The following PTPRN2 variants were observed in gnomAD, a reference collection of about 807,000 sequenced individuals.
PTPRN2 encodes the protein protein tyrosine phosphatase receptor type N2, also known as receptor-type tyrosine-protein phosphatase N2.
Under a neutral mutation model 118.8 loss-of-function variants are expected in PTPRN2, and 74 were observed. The observed-to-expected ratio is 0.62, with a 90% CI of 0.52 to 0.76. The LOEUF is 0.76. PTPRN2 is among the 30% of genes least tolerant of loss of function. The pLI is 0.00. For missense variants in PTPRN2, 1,481 were observed against 1,394.4 expected (o/e 1.06, Z -0.99); for synonymous variants, 641 against 608.0 (o/e 1.05, Z -0.80).
chr7:158,546,333 G>A lies in PTPRN2; in HGVS notation c.112+41225C>T, dbSNP rs1230988820. ...TCACGCCTGCCCGGAGACGGGGTCC[G>A]CGAGGTGCCAGCTTTGCACTGTCAA... On this transcript the variant is annotated intron_variant, in intron 1 of 22. Coordinates refer to ENST00000389418, the MANE Select transcript of PTPRN2 (RefSeq NM_002847.5). This position sits in a 1 kb window ranked among gnomAD's most constrained non-coding sequence, Gnocchi z 5.0. Among the ~76,000 whole-genome samples, 2 of 152,220 alleles carry A rather than the reference G, an allele frequency of 1.3e-5. No individual in the cohort carries two copies. The highest frequency in any genetic ancestry group is 2.9e-5 in the Non-Finnish European group (2 of 68,046).
At chr7:158,184,645 C>T (rs1824989418) in intron 5 of PTPRN2, among the ~76,000 whole-genome samples, 2 of 152,228 alleles carry the variant, frequency 1.3e-5, no homozygotes, top group East Asian at 1.9e-4. Context: ...AACCTAGTCT[C>T]TACTGAAAAT....
chr7:158,490,922 T>A (rs1245214738), intron 1 of PTPRN2, among the ~76,000 whole-genome samples: 1 of 152,178 alleles, frequency 6.6e-6, no homozygotes, highest in Non-Finnish European at 1.5e-5. Context: ...CTCTACTGTT[T>A]CCTCCCATGC....
chr7:158,109,655 CCT>C (rs907170824), intron 10 of PTPRN2, among the ~76,000 whole-genome samples: 10 of 149,070 alleles, frequency 6.7e-5, no homozygotes, highest in Admixed American at 4.7e-4. Flanking sequence ...TGATGTCACC[CCT>C]GTGTGAAAGG....
At position 158,273,432 on chromosome 7, in the gene PTPRN2, G is replaced by GCAGACAGACGCGGGAGGAGCCT. The variant is rs1563072559; in HGVS notation, c.277+43386_277+43387insAGGCTCCTCCCGCGTCTGTCTG. Among the ~76,000 whole-genome samples the GCAGACAGACGCGGGAGGAGCCT allele has an allele frequency of 7.4e-4, 82 of 110,936 alleles. 19 individuals carry two copies. The highest frequency in any genetic ancestry group is 2.7e-3 in the African/African-American group (81 of 29,476). The allele number at this position is 110,936 out of a possible 152,430, so 72.8% of individuals were successfully genotyped here. A position where few individuals can be genotyped will look rare whatever the true frequency, so the allele number is the denominator to read the frequency against. On this transcript the variant is annotated intron_variant, in intron 3 of 22. Transcript: ENST00000389418. ...GCCGCAGACAGACGCGGGAGGAGCC[G>GCAGACAGACGCGGGAGGAGCCT]CAGACAGACGCGGGAGGAGCCGCAG... is the stretch of plus-strand genomic sequence containing the variant.
Position 157,876,562 on chromosome 7 carries a change from C to T in PTPRN2, c.1788+22111G>A, listed in dbSNP as rs574216267. Among the ~76,000 whole-genome samples the T allele has an allele frequency of 5.9e-5, 9 of 152,286 alleles. No homozygotes were observed. The East Asian group carries it at 1.7e-3, about 29-fold the overall frequency. ...TAAACGGCCCTAGAAGACGTTTCTC[C>T]CAGGAAGATGCACAGACGGCCAAGG... On this transcript the variant is annotated intron_variant, in intron 12 of 22. Coordinates refer to ENST00000389418, the MANE Select transcript of PTPRN2 (RefSeq NM_002847.5).
At chr7:158,193,370 G>T (rs975239323) in intron 4 of PTPRN2, among the ~76,000 whole-genome samples, 1 of 152,226 alleles carries the variant, frequency 6.6e-6, no homozygotes, top group Non-Finnish European at 1.5e-5. Flanking sequence ...CCACTTGCCA[G>T]TGGGGCCCCC....
Position 157,656,470 on chromosome 7 carries a change from A to C in PTPRN2, c.2083T>G (p.Ser695Ala). 6.4e-7 allele frequency: 1 copy of C among 1,555,502 alleles called. No individual in the cohort carries two copies. The highest frequency in any genetic ancestry group is 1.2e-5 in the South Asian group (1 of 84,688). ...GGGATCGGCCCGTCGCTGAACTGGG[A>C]TGAGACGCTGCTGATGCGTGACGTG... ...PHTSRISSVS[S>A]QFSDGPIPSP... Residue 695 changes from serine to alanine, a missense_variant, in exon 14 of 23, where the codon TCC (serine) becomes GCC (alanine). Transcript: ENST00000389418.
rs1809280631 is a variant in PTPRN2 at position 158,364,546 on chromosome 7, T to C, written c.164-47614A>G. Among the ~76,000 whole-genome samples the C allele has an allele frequency of 2.6e-5, 4 of 152,364 alleles. 1 individual carries two copies. In the South Asian group the frequency reaches 8.3e-4, roughly 32 times the overall value. On this transcript the variant is annotated intron_variant, in intron 2 of 22. Coordinates refer to ENST00000389418, the MANE Select transcript of PTPRN2 (RefSeq NM_002847.5). Reference sequence around the variant, plus strand: ...TCTGAGAATACAAGCAAAGAGACAGTCACATGTAAGCTTAATAATGAGGTT... The same window carrying C: ...TCTGAGAATACAAGCAAAGAGACAGCCACATGTAAGCTTAATAATGAGGTT...
At chr7:157,940,739 A>ACCTG (rs1585053447) in intron 11 of PTPRN2, among the ~76,000 whole-genome samples, 1 of 40,834 alleles carries the variant, frequency 2.4e-5, no homozygotes, top group African/African-American at 1.7e-4. Flanking sequence ...GCCCTGCCCC[A>ACCTG]TGACACTGCA....
At chr7:158,340,583 G>A (rs370818162) in intron 2 of PTPRN2, among the ~76,000 whole-genome samples, 2 of 115,006 alleles carry the variant, frequency 1.7e-5, no homozygotes, top group Non-Finnish European at 3.8e-5. Flanking sequence ...CATAAGAGCC[G>A]ACGCCCGCAG....
At chr7:158,071,312 CATGGTAGTGGAGGTGCCCA>C (rs1211783972) in intron 11 of PTPRN2, among the ~76,000 whole-genome samples, 8 of 91,498 alleles carry the variant, frequency 8.7e-5, no homozygotes, top group Non-Finnish European at 1.1e-4. Context: ...TGGAGGTGCC[CATGGTAGTGGAGGTGCCCA>C]TGGTGGTGGA....
At chr7:158,103,540 C>T (rs1025786864) in intron 10 of PTPRN2, among the ~76,000 whole-genome samples, 3 of 152,230 alleles carry the variant, frequency 2.0e-5, no homozygotes, top group African/African-American at 7.2e-5. Context: ...CCCTTCCTCT[C>T]CAGCCTCACT....
At chr7:157,925,228 A>G (rs1798907390) in intron 11 of PTPRN2, among the ~76,000 whole-genome samples, 1 of 144,770 alleles carries the variant, frequency 6.9e-6, no homozygotes, top group African/African-American at 2.6e-5. Flanking sequence ...CAGTTATTGA[A>G]ATGTAGTCAG....
At chr7:158,534,224 A>G (rs13310273) in intron 1 of PTPRN2, among the ~76,000 whole-genome samples, 1,546 of 32,114 alleles carry the variant, frequency 0.048, 111 homozygotes, top group East Asian at 0.12. Flanking sequence ...CCCGGGCTCC[A>G]TCAGGGATGG....
intron 6 of PTPRN2, among the ~76,000 whole-genome samples, chr7:158,139,182 G>A (rs566705574): frequency 1.3e-5 from 2 of 152,274 alleles, no homozygotes; most frequent in South Asian, 4.1e-4. Flanking sequence ...TTGAGAATAG[G>A]GCAGTCGATG....
intron 6 of PTPRN2, among the ~76,000 whole-genome samples, chr7:158,150,755 G>C (rs939485457): frequency 1.3e-5 from 2 of 151,834 alleles, no homozygotes; most frequent in Non-Finnish European, 2.9e-5. Flanking sequence ...CCTGGTCTGT[G>C]AGACGCTGCG....
At chr7:157,884,472 G>T (rs1384819011) in intron 12 of PTPRN2, among the ~76,000 whole-genome samples, 1 of 152,232 alleles carries the variant, frequency 6.6e-6, no homozygotes, top group African/African-American at 2.4e-5. Context: ...GACTGAGGGT[G>T]CATGACAGGC....
At chr7:157,855,030 C>G (rs1367981320) in intron 12 of PTPRN2, among the ~76,000 whole-genome samples, 1 of 128,808 alleles carries the variant, frequency 7.8e-6, no homozygotes, top group African/African-American at 3.0e-5. Context: ...ATCAGGGAGG[C>G]TGGCTTTGCT....
rs574579697 is a variant in PTPRN2 at position 157,748,500 on chromosome 7, T to C, written c.1789-65563A>G. Among the ~76,000 whole-genome samples, 249 of 101,584 alleles carry C rather than the reference T, an allele frequency of 2.5e-3. 3 individuals are homozygous for C. The highest frequency in any genetic ancestry group is 4.0e-3 in the Non-Finnish European group (204 of 51,336). 66.6% of individuals were successfully genotyped at this position (101,584 alleles called of 152,430 possible). A position where few individuals can be genotyped will look rare whatever the true frequency, so the allele number is the denominator to read the frequency against. ...CTGCGTCCCTGAGCTGCGGAGTGTC[T>C]GGGTGATTCTTAGGTCTGCGTCTCT... On this transcript the variant is annotated intron_variant, in intron 12 of 22. Transcript: ENST00000389418.
Sources: gnomAD v4.1 joint callset for allele counts (sites outside exome capture counted in the v4.1 genomes callset) on GRCh38, gnomAD v4.1.1 for gene constraint, Gnocchi (gnomAD v3.1) non-coding constraint, MANE v1.5 for transcripts, NCBI Gene and HGNC (gene_info 2026-07-23, HGNC 2026-07-21) for gene names.